RIMS2: variants seen among roughly 807,000 people sequenced by gnomAD.
RIMS2 encodes the protein regulating synaptic membrane exocytosis protein 2.
In RIMS2, 59 loss-of-function variants were observed where a neutral mutation model predicts 174.4. The observed-to-expected ratio is 0.34, with a 90% confidence interval of 0.27 to 0.42. RIMS2 has a LOEUF of 0.42. RIMS2 is among the 10% of genes least tolerant of loss of function. The pLI is 1.00. For missense variants in RIMS2, 1,620 were observed against 1,666.3 expected (o/e 0.97, Z 0.48); for synonymous variants, 606 against 572.5 (o/e 1.06, Z -0.84).
intron 17 of RIMS2, among the ~76,000 whole-genome samples, chr8:104,009,365 C>T (rs1225526266): frequency 6.6e-6 from 1 of 151,886 alleles, no homozygotes; most frequent in Non-Finnish European, 1.5e-5. Context: ...ATGATCACAG[C>T]TCACTGCAGC....
chr8:104,003,611 C>A (rs1261049147), intron 17 of RIMS2, among the ~76,000 whole-genome samples: 1 of 151,890 alleles, frequency 6.6e-6, no homozygotes, highest in Non-Finnish European at 1.5e-5. Context: ...ATGGTTTTTC[C>A]CCATGTTGGC....
chr8:103,639,089 T>G (rs1187796158), intron 1 of RIMS2, among the ~76,000 whole-genome samples: 3 of 152,012 alleles, frequency 2.0e-5, no homozygotes, highest in Non-Finnish European at 4.4e-5. Context: ...GTTTCACAAA[T>G]GCTAACTTGT....
intron 19 of RIMS2, among the ~76,000 whole-genome samples, chr8:104,222,779 C>T (rs1355635715): frequency 2.0e-5 from 3 of 152,172 alleles, no homozygotes; most frequent in African/African-American, 4.8e-5. Flanking sequence ...CTTAGCCATA[C>T]TGGGTAGATT....
At position 103,963,732 on chromosome 8, in the gene RIMS2, T is replaced by A. The variant is rs544392981; in HGVS notation, c.2770+2599T>A. ...AATCACCCATGGTCCATAGTTTACA[T>A]TGGGGCTCACTCTTGGTGTCAAATA... On this transcript the variant is annotated intron_variant, in intron 15 of 23. Coordinates refer to ENST00000504942, the Ensembl canonical transcript of RIMS2. Among the ~76,000 whole-genome samples, 4 of 152,320 alleles carry A rather than the reference T, an allele frequency of 2.6e-5. No homozygotes were observed. The East Asian group carries it at 5.8e-4, about 22-fold the overall frequency.
At chr8:103,779,307 C>G (rs1451124806) in intron 3 of RIMS2, among the ~76,000 whole-genome samples, 1 of 152,086 alleles carries the variant, frequency 6.6e-6, no homozygotes, top group Non-Finnish European at 1.5e-5. Context: ...AGGCCTTATT[C>G]AAAATCTTTG....
chr8:104,126,676 C>A (rs2098434514), intron 19 of RIMS2, among the ~76,000 whole-genome samples: 1 of 152,162 alleles, frequency 6.6e-6, no homozygotes, highest in South Asian at 2.1e-4. Flanking sequence ...TAACACAATG[C>A]CTACCATAGG....
chr8:103,670,402 G>A (rs879362609), intron 1 of RIMS2, among the ~76,000 whole-genome samples: 7 of 152,174 alleles, frequency 4.6e-5, no homozygotes, highest in South Asian at 2.1e-4. Context: ...TTGGCTCCTC[G>A]TTACTTAAGC....
chr8:103,734,461 T>C (rs1275289590), intron 2 of RIMS2, among the ~76,000 whole-genome samples: 1 of 84,184 alleles, frequency 1.2e-5, no homozygotes, highest in Non-Finnish European at 2.8e-5. Flanking sequence ...TGGATGGTTC[T>C]TTTTTTTTTT....
intron 4 of RIMS2, among the ~76,000 whole-genome samples, chr8:103,896,223 G>T (rs1210409894): frequency 1.3e-5 from 2 of 151,476 alleles, no homozygotes; most frequent in Admixed American, 1.3e-4. Context: ...TACTGGGTTT[G>T]CCTCTTTTAG....
At chr8:103,687,470 T>C (rs754832366) in intron 1 of RIMS2, among the ~76,000 whole-genome samples, 7 of 152,158 alleles carry the variant, frequency 4.6e-5, no homozygotes, top group Non-Finnish European at 2.9e-5. Context: ...GTATATATTG[T>C]GGAATGATTC....
At chr8:103,859,693 C>T (rs916442054) in intron 3 of RIMS2, among the ~76,000 whole-genome samples, 13 of 151,860 alleles carry the variant, frequency 8.6e-5, no homozygotes, top group Admixed American at 4.6e-4. Flanking sequence ...TCTAATATGT[C>T]AATGCTTAAC....
chr8:103,826,836 G>A (rs2098794112), intron 3 of RIMS2, among the ~76,000 whole-genome samples: 1 of 150,980 alleles, frequency 6.6e-6, no homozygotes. Flanking sequence ...GTAGAGTTTT[G>A]TAGAGACAAA....
At chr8:103,929,643 GT>G (rs1243915901) in intron 11 of RIMS2, among the ~76,000 whole-genome samples, 15 of 151,728 alleles carry the variant, frequency 9.9e-5, no homozygotes, top group Admixed American at 1.3e-4. Context: ...AATCAGTTGG[GT>G]TTTTGTCACA....
intron 19 of RIMS2, among the ~76,000 whole-genome samples, chr8:104,138,654 A>G (rs918455511): frequency 6.6e-6 from 1 of 152,104 alleles, no homozygotes; most frequent in African/African-American, 2.4e-5. Context: ...AACTCCTTGT[A>G]TATTCTGGTT....
intron 1 of RIMS2, among the ~76,000 whole-genome samples, chr8:103,600,236 C>T (rs186464743): frequency 7.3e-5 from 11 of 151,022 alleles, no homozygotes; most frequent in Admixed American, 2.0e-4. Flanking sequence ...CTGAGTAGTA[C>T]TCCATTGTGT....
In RIMS2 at chr8:103,594,921, G is replaced by A. The variant is rs1196744860; in HGVS notation, c.176+93859G>A. On this transcript the variant is annotated intron_variant, in intron 1 of 23. Coordinates refer to ENST00000504942, the Ensembl canonical transcript of RIMS2. ...ACCTGGGAACAGTTCAGTGAGATTT[G>A]AAAGCCAGATAGCTCATGATTATTC... 3.3e-5 allele frequency among the ~76,000 whole-genome samples: 5 copies of A among 151,764 alleles called. 1 individual carries two copies. The highest frequency in any genetic ancestry group is 2.0e-4 in the Admixed American group (3 of 15,198).
intron 19 of RIMS2, among the ~76,000 whole-genome samples, chr8:104,108,087 T>C (rs1599040607): frequency 6.6e-6 from 1 of 152,046 alleles, no homozygotes; most frequent in Non-Finnish European, 1.5e-5. Context: ...GTTGGTTGGT[T>C]GATTTACTGA....
At chr8:104,156,102 C>T (rs1462792995) in intron 19 of RIMS2, among the ~76,000 whole-genome samples, 1 of 152,190 alleles carries the variant, frequency 6.6e-6, no homozygotes, top group Non-Finnish European at 1.5e-5. Flanking sequence ...ACCTAACATA[C>T]ATTACCTGCT....
At position 104,112,507 on chromosome 8, in the gene RIMS2, T is replaced by C. The variant is rs148351131; in HGVS notation, c.3334+97892T>C. Among the ~76,000 whole-genome samples the C allele has an allele frequency of 3.6e-3, 547 of 152,296 alleles. 10 individuals are homozygous for C. Among genetic ancestry groups the C allele is most frequent in the Admixed American group, 0.013 (206 of 15,286 alleles). On this transcript the variant is annotated intron_variant, in intron 19 of 23. Transcript: ENST00000504942. Reference sequence around the variant, plus strand: ...GATATATGTATGTGTCATGGGATGTTAACCGTAAACTTGAGAGACTGACAG... The same window carrying C: ...GATATATGTATGTGTCATGGGATGTCAACCGTAAACTTGAGAGACTGACAG...
Sources: gnomAD v4.1 joint callset for allele counts (sites outside exome capture counted in the v4.1 genomes callset) on GRCh38, gnomAD v4.1.1 for gene constraint, MANE v1.5 for transcripts, NCBI Gene and HGNC (gene_info 2026-07-23, HGNC 2026-07-21) for gene names.